Variants in SMARCC1 observed in about 807,000 individuals in gnomAD.
SMARCC1 encodes SWI/SNF related BAF chromatin remodeling complex subunit C1.
Under a neutral mutation model 147.4 loss-of-function variants are expected in SMARCC1, and 43 were observed. That is an observed-to-expected ratio of 0.29 (90% confidence interval 0.23 to 0.38). SMARCC1 has a LOEUF of 0.38. SMARCC1 is among the 10% of genes least tolerant of loss of function. The pLI, the probability that SMARCC1 is intolerant of heterozygous loss-of-function variation, is 1.00. For missense variants in SMARCC1, 1,119 were observed against 1,381.1 expected (o/e 0.81, Z 3.01); for synonymous variants, 495 against 484.4 (o/e 1.02, Z -0.29).
intron 16 of SMARCC1, 96 bp from the exon 17 acceptor site, chr3:47,676,878 C>T (rs1375081465): frequency 7.7e-6 from 8 of 1,036,014 alleles, no homozygotes; most frequent in African/African-American, 1.6e-5. Flanking sequence ...AACAATAAAA[C>T]CAGTAAATGT....
chr3:47,708,769 C>G (rs879098194), intron 9 of SMARCC1, among the ~76,000 whole-genome samples: 1 of 152,102 alleles, frequency 6.6e-6, no homozygotes, highest in African/African-American at 2.4e-5. Context: ...GACAAAGACT[C>G]AACTGTAAAA....
At chr3:47,705,797 CTT>C (rs755628369) in intron 10 of SMARCC1, among the ~76,000 whole-genome samples, 15 of 152,140 alleles carry the variant, frequency 9.9e-5, no homozygotes, top group Admixed American at 3.3e-4. Flanking sequence ...AATTATGTAA[CTT>C]AATATATACC....
chr3:47,642,417 CCGT>C (rs1315383565), intron 21 of SMARCC1, among the ~76,000 whole-genome samples: 2 of 152,100 alleles, frequency 1.3e-5, no homozygotes, highest in Non-Finnish European at 2.9e-5. Context: ...TGGTGAAACC[CCGT>C]CTCTACTAAA....
chr3:47,698,005 CAAAAAAAAAAA>C (rs71070213), intron 11 of SMARCC1, among the ~76,000 whole-genome samples: 137 of 12,498 alleles, frequency 0.011, 3 homozygotes, highest in African/African-American at 0.056. Context: ...GCCTCCGCCT[CAAAAAAAAAAA>C]AAAAAAAAAA....
At chr3:47,688,903 T>TG (rs1199879066) in intron 13 of SMARCC1, among the ~76,000 whole-genome samples, 4 of 152,130 alleles carry the variant, frequency 2.6e-5, no homozygotes, top group African/African-American at 9.7e-5. Flanking sequence ...AGTAAAATCT[T>TG]GGGGTCCAAG....
intron 18 of SMARCC1, among the ~76,000 whole-genome samples, chr3:47,671,183 A>AAAAAAAAAAAAAAAAC (rs2033493629): frequency 6.9e-6 from 1 of 144,006 alleles, no homozygotes; most frequent in African/African-American, 2.6e-5. Flanking sequence ...CAAAAAAAAA[A>AAAAAAAAAAAAAAAAC]AAAAAAAAAA....
At chr3:47,699,537 T>C (rs1446294386) in intron 11 of SMARCC1, among the ~76,000 whole-genome samples, 2 of 152,106 alleles carry the variant, frequency 1.3e-5, no homozygotes, top group East Asian at 1.9e-4. Flanking sequence ...CATATGTATA[T>C]ACATATATAC....
chr3:47,703,999 C>T (rs945927402), intron 10 of SMARCC1, among the ~76,000 whole-genome samples: 6 of 152,056 alleles, frequency 3.9e-5, no homozygotes, highest in South Asian at 4.1e-4. Flanking sequence ...AGCGTTTCAC[C>T]GTGTTAGCCA....
At chr3:47,761,308 A>G (rs1249649021) in intron 2 of SMARCC1, among the ~76,000 whole-genome samples, 1 of 152,150 alleles carries the variant, frequency 6.6e-6, no homozygotes, top group African/African-American at 2.4e-5. Context: ...TCTCAGAAAA[A>G]AAAAAGACAG....
chr3:47,589,089 AG>A (rs2032132407), intron 27 of SMARCC1, among the ~76,000 whole-genome samples: 1 of 152,244 alleles, frequency 6.6e-6, no homozygotes, highest in Admixed American at 6.5e-5. Flanking sequence ...TCTATGCCCA[AG>A]AGGTTTCTAC....
At chr3:47,749,066 G>A (rs1651559655) in intron 2 of SMARCC1, among the ~76,000 whole-genome samples, 1 of 152,092 alleles carries the variant, frequency 6.6e-6, no homozygotes, top group African/African-American at 2.4e-5. Context: ...ACTTTGGGAG[G>A]CCGAGTTGGG....
chr3:47,767,189 G>GA (rs375076788), intron 2 of SMARCC1, among the ~76,000 whole-genome samples: 49,955 of 80,504 alleles, frequency 0.62, 15,457 homozygotes, highest in East Asian at 0.7. Flanking sequence ...TCTCCAAAAA[G>GA]AAAAAAAAAA....
intron 21 of SMARCC1, among the ~76,000 whole-genome samples, chr3:47,660,400 C>T (rs558816025): frequency 2.8e-5 from 4 of 140,832 alleles, no homozygotes; most frequent in African/African-American, 2.7e-5. Flanking sequence ...GAGCTGAGAT[C>T]GCGCCACTGC....
chr3:47,709,782 C>T (rs2034062018), intron 9 of SMARCC1, among the ~76,000 whole-genome samples: 1 of 152,174 alleles, frequency 6.6e-6, no homozygotes. Context: ...AATACTAACA[C>T]ACCTTCTTCT....
At position 47,713,969 on chromosome 3, in the gene SMARCC1, C is replaced by T. The variant is rs541491391; in HGVS notation, c.792+446G>A. Among the ~76,000 whole-genome samples, 154 of 152,266 alleles carry T rather than the reference C, an allele frequency of 1.0e-3. 3 individuals carry two copies. The South Asian group carries it at 0.031, about 31-fold the overall frequency. ...AGATAATAAAGTCTTCATGGCCGTA[C>T]GTATCTTGTAAATGGATGACAGGAA... On this transcript the variant is annotated intron_variant, in intron 8 of 27. Transcript: ENST00000254480.
intron 12 of SMARCC1, among the ~76,000 whole-genome samples, chr3:47,692,491 A>C (rs1216712791): frequency 6.6e-6 from 1 of 152,208 alleles, no homozygotes; most frequent in Admixed American, 6.5e-5. Flanking sequence ...TGACATTTGA[A>C]AAAGTACTTT....
Position 47,745,966 on chromosome 3 carries a change from C to T in SMARCC1, c.343G>A (p.Gly115Arg). The T allele has an allele frequency of 2.5e-6, 4 of 1,583,786 alleles. No individual in the cohort carries two copies. The highest frequency in any genetic ancestry group is 3.4e-6 in the Non-Finnish European group (4 of 1,169,552). The change falls in exon 3 of 28, where the codon GGA becomes AGA. Residue 115 changes from glycine to arginine, a missense_variant. Coordinates refer to ENST00000254480, the MANE Select transcript of SMARCC1 (RefSeq NM_003074.4). ...PAKCFMDFKA[G>R]GALCHILGAA... is the part of the protein sequence containing the mutation. ...CCAAGAATGTGACATAAGGCGCCTC[C>T]AGCTTTGAAATCCATGAAACACTTT...
intron 19 of SMARCC1, among the ~76,000 whole-genome samples, chr3:47,665,672 C>T (rs2033411004): frequency 6.6e-6 from 1 of 152,010 alleles, no homozygotes; most frequent in African/African-American, 2.4e-5. Context: ...ATAAGAGAGG[C>T]AAATTAAAGT....
intron 19 of SMARCC1, chr3:47,663,641 G>C: frequency 2.0e-6 from 3 of 1,511,420 alleles, no homozygotes; most frequent in Non-Finnish European, 2.8e-6. Context: ...TGTGATTCCA[G>C]AGGTCCCCTT....
Sources: allele counts gnomAD v4.1 joint callset (sites outside exome capture counted in the v4.1 genomes callset), GRCh38; gene constraint gnomAD v4.1.1; transcripts MANE v1.5; gene names NCBI Gene and HGNC (gene_info 2026-07-23, HGNC 2026-07-21).